EFCAB3: variants seen among roughly 807,000 people sequenced by gnomAD.
EFCAB3 encodes the protein EF-hand calcium binding domain 3.
EFCAB3 carries 36 observed loss-of-function variants against 42.2 expected under a neutral mutation model. The observed-to-expected ratio is 0.85, with a 90% CI of 0.65 to 1.13. The LOEUF is 1.13. EFCAB3 is among the 50% of genes most tolerant of loss of function. EFCAB3 has a pLI of 0.00. For missense variants in EFCAB3, 418 were observed against 505.1 expected (o/e 0.83, Z 1.65); for synonymous variants, 170 against 172.8 (o/e 0.98, Z 0.13).
chr17:62,384,498 C>G (rs1041269017), intron 2 of EFCAB3, among the ~76,000 whole-genome samples: 2 of 152,052 alleles, frequency 1.3e-5, no homozygotes, highest in African/African-American at 2.4e-5. Context: ...ACTTGTAGTC[C>G]CAGCTACTCA....
chr17:62,413,348 G>A (rs1157731365), intron 8 of EFCAB3, among the ~76,000 whole-genome samples: 1 of 152,112 alleles, frequency 6.6e-6, no homozygotes, highest in African/African-American at 2.4e-5. Flanking sequence ...ACTCTCCTCA[G>A]ATATTTATCT....
chr17:62,387,864 T>TGTG (rs1359007481), intron 3 of EFCAB3, among the ~76,000 whole-genome samples: 2 of 152,202 alleles, frequency 1.3e-5, no homozygotes, highest in South Asian at 2.1e-4. Context: ...ACAAGTCAGA[T>TGTG]GTGGTCCCTG....
At chr17:62,387,845 A>C (rs575944880) in intron 3 of EFCAB3, among the ~76,000 whole-genome samples, 54 of 152,324 alleles carry the variant, frequency 3.5e-4, no homozygotes, top group African/African-American at 1.3e-3. Flanking sequence ...AGGCGTGGGA[A>C]ACAACAAAAC....
At chr17:62,372,563 T>C (rs539070177) in intron 1 of EFCAB3, among the ~76,000 whole-genome samples, 365 of 770 alleles carry the variant, frequency 0.47, 2 homozygotes, top group African/African-American at 0.5. Flanking sequence ...ATTACAGGCG[T>C]GACCACCGCG....
chr17:62,385,371 G>A (rs939376385), intron 2 of EFCAB3, among the ~76,000 whole-genome samples: 11 of 152,128 alleles, frequency 7.2e-5, no homozygotes, highest in Non-Finnish European at 1.3e-4. Flanking sequence ...GAGCCTGGGC[G>A]GTCAAGGCTG....
At chr17:62,381,932 C>G in intron 1 of EFCAB3, 1 of 319,016 alleles carries the variant, frequency 3.1e-6, no homozygotes, top group South Asian at 2.9e-5. Flanking sequence ...GTTCCACCCC[C>G]GCTGCAGCAG....
rs114436642 is a variant in EFCAB3, at chr17:62,391,926, C to G, written c.256C>G (p.His86Asp). The change falls in exon 4 of 10, where the codon CAT becomes GAT. Residue 86 changes from histidine (H) to aspartate (D), a missense_variant. By Grantham distance (81) the His-to-Asp change is moderately conservative (BLOSUM62 -1). Coordinates refer to ENST00000305286, the MANE Select transcript of EFCAB3 (RefSeq NM_173503.4). ...VAKLGMNLTK[H>D]DVYNELKCAD... is the part of the protein sequence containing the mutation. ...TAAGCTGGGAATGAATCTGACCAAG[C>G]ATGATGTCTATAATGAATTGAAATG... is the stretch of plus-strand genomic sequence containing the variant. 10 of 1,612,800 alleles carry G rather than the reference C, an allele frequency of 6.2e-6. No individual in the cohort carries two copies. In the East Asian group the frequency reaches 2.2e-4, roughly 36 times the overall value.
At chr17:62,380,675 G>T in intron 1 of EFCAB3, 62 bp downstream of exon 1, 1 of 815,790 alleles carries the variant, frequency 1.2e-6, no homozygotes, top group Non-Finnish European at 1.5e-6. Flanking sequence ...TATTATCTAT[G>T]AGAATTGAAG....
rs530502518 is a variant in EFCAB3, at chr17:62,407,380, T to C, written c.867+168T>C. Among the ~76,000 whole-genome samples, 4 of 152,294 alleles carry C rather than the reference T, an allele frequency of 2.6e-5. No individual in the cohort carries two copies. The East Asian group carries it at 7.7e-4, about 29-fold the overall frequency. ...GTCCAGGTATTAACATTTCATTTAA[T>C]TTCAACAAATAGGTAAACTTACTAA... On this transcript the variant is annotated intron_variant, in intron 8 of 9. Transcript: ENST00000305286.
In EFCAB3 at chr17:62,416,071, C is replaced by G. The variant is rs759730164; in HGVS notation, c.1059C>G (p.Leu353=). 4 of 1,613,880 alleles carry G rather than the reference C, an allele frequency of 2.5e-6. No individual in the cohort carries two copies. The highest frequency in any genetic ancestry group is 8.5e-7 in the Non-Finnish European group (1 of 1,179,878). ...AACACCGAAAAGAGATGCTAAACCT[C>G]TGGCAGAAGATCCGAGGGGATTTGA... ...ALEHRKEMLN[L]WQKIRGDLIG... The change falls in exon 10 of 10, where the codon CTC becomes CTG. Residue 353 remains leucine, a synonymous_variant. Coordinates refer to ENST00000305286, the MANE Select transcript of EFCAB3 (RefSeq NM_173503.4).
chr17:62,395,806 A>G (rs1315312195), intron 6 of EFCAB3, among the ~76,000 whole-genome samples: 1 of 152,222 alleles, frequency 6.6e-6, no homozygotes, highest in Non-Finnish European at 1.5e-5. Context: ...TTTTATCATT[A>G]TCTTAAACAA....
At chr17:62,397,641 G>A (rs758569290) in intron 6 of EFCAB3, 2 of 601,362 alleles carry the variant, frequency 3.3e-6, no homozygotes, top group Non-Finnish European at 6.5e-6. Context: ...ATCAAGAATA[G>A]CAAGAAAATC....
At chr17:62,385,487 G>A (rs1406704923) in intron 2 of EFCAB3, among the ~76,000 whole-genome samples, 1 of 151,918 alleles carries the variant, frequency 6.6e-6, no homozygotes, top group Non-Finnish European at 1.5e-5. Flanking sequence ...TAATAAAGAG[G>A]AAGCACCAGA....
intron 8 of EFCAB3, 83 bp downstream of exon 8, chr17:62,407,295 A>C: frequency 8.1e-7 from 1 of 1,231,754 alleles, no homozygotes. Flanking sequence ...TGCTTTTTAC[A>C]ACAAATAGTT....
At chr17:62,385,946 C>G (rs540945198) in intron 2 of EFCAB3, among the ~76,000 whole-genome samples, 1 of 150,286 alleles carries the variant, frequency 6.7e-6, no homozygotes, top group Non-Finnish European at 1.5e-5. Flanking sequence ...CCAGGATGGT[C>G]TCGATCTCCT....
intron 1 of EFCAB3, chr17:62,381,727 C>T: frequency 3.6e-6 from 1 of 274,550 alleles, no homozygotes; most frequent in East Asian, 1.0e-4. Flanking sequence ...TCCCTCAGAG[C>T]CAAAGACATC....
chr17:62,377,850 C>T (rs1040701312), upstream of EFCAB3: 41 of 779,880 alleles, frequency 5.3e-5, no homozygotes, highest in Non-Finnish European at 8.3e-5. Context: ...ATAACCTTGA[C>T]ATTTTCTTAA....
At chr17:62,392,071 C>A (rs1306687105) in intron 4 of EFCAB3, 106 bp downstream of exon 4, 4 of 1,007,552 alleles carry the variant, frequency 4.0e-6, no homozygotes, top group Non-Finnish European at 5.3e-6. Flanking sequence ...TATTTACTTG[C>A]CCCCCCAAAT....
upstream of EFCAB3, chr17:62,377,844 C>A: frequency 1.3e-6 from 1 of 754,588 alleles, no homozygotes; most frequent in Non-Finnish European, 2.1e-6. Flanking sequence ...TCCCATATAA[C>A]CTTGACATTT....
Sources: gnomAD v4.1 joint callset for allele counts (sites outside exome capture counted in the v4.1 genomes callset) on GRCh38, gnomAD v4.1.1 for gene constraint, MANE v1.5 for transcripts, NCBI Gene and HGNC (gene_info 2026-07-23, HGNC 2026-07-21) for gene names.